FER1L6: variants seen among roughly 807,000 people sequenced by gnomAD.
FER1L6 encodes fer-1 like family member 6.
Under a neutral mutation model 219.2 loss-of-function variants are expected in FER1L6, and 177 were observed. The observed-to-expected ratio is 0.81, with a 90% CI of 0.71 to 0.91. The LOEUF is 0.91. FER1L6 is among the 40% of genes least tolerant of loss of function. The pLI, the probability that FER1L6 is intolerant of heterozygous loss-of-function variation, is 0.00. For synonymous variants in FER1L6, 768 were observed against 824.3 expected, an observed-to-expected ratio of 0.93 and a Z score of 1.17; for missense variants, 2,153 against 2,259.9, an observed-to-expected ratio of 0.95 and a Z score of 0.96.
intron 2 of FER1L6, among the ~76,000 whole-genome samples, chr8:123,962,918 G>A (rs1465289833): frequency 4.6e-5 from 7 of 152,116 alleles, no homozygotes; most frequent in African/African-American, 1.2e-4. Context: ...GTGAGCCACC[G>A]TGCCCAGCCA....
intron 32 of FER1L6, among the ~76,000 whole-genome samples, chr8:124,079,375 G>T (rs529657065): frequency 6.6e-6 from 1 of 152,266 alleles, no homozygotes; most frequent in African/African-American, 2.4e-5. Flanking sequence ...TTGCTCTTAA[G>T]CTTTTTCTAC....
At chr8:124,109,872 T>TGCTA (rs1401392486) in intron 39 of FER1L6, among the ~76,000 whole-genome samples, 1 of 152,184 alleles carries the variant, frequency 6.6e-6, no homozygotes, top group African/African-American at 2.4e-5. Flanking sequence ...TAACAAGCGT[T>TGCTA]GCTAATATGA....
Position 123,964,205 on chromosome 8 carries a change from T to TTACG in FER1L6, c.197+808_197+811dup, listed in dbSNP as rs571575913. On this transcript the variant is annotated intron_variant, in intron 3 of 40. Coordinates refer to ENST00000522917, the MANE Select transcript of FER1L6 (RefSeq NM_001039112.2). ...TGCCTTCTGTTGGAGAGACTAAAAG[T>TTACG]TACGGGGCAACAAGTTTGGATACAG... is the stretch of plus-strand genomic sequence containing the variant. Among the ~76,000 whole-genome samples the TTACG allele has an allele frequency of 4.4e-3, 667 of 152,322 alleles. 7 individuals are homozygous for TTACG. The highest frequency in any genetic ancestry group is 0.017 in the Middle Eastern group (5 of 294).
intron 1 of FER1L6, among the ~76,000 whole-genome samples, chr8:123,902,415 C>A (rs1447222692): frequency 6.6e-6 from 1 of 151,890 alleles, no homozygotes; most frequent in African/African-American, 2.4e-5. Context: ...TATTGAAGTC[C>A]CCCACTATTA....
chr8:124,082,529 C>A lies in FER1L6; in HGVS notation c.4391+71C>A, dbSNP rs550889154. On this transcript the variant is annotated intron_variant, in intron 33 of 40. Coordinates refer to ENST00000522917, the MANE Select transcript of FER1L6 (RefSeq NM_001039112.2). The stretch of plus-strand genomic sequence containing the variant: ...GTAGCCTTTAGGGCTCCAGACTCTG[C>A]ATCCCAGTTGTCCATCTCTAGGAAG... 309 of 1,413,018 alleles carry A rather than the reference C, an allele frequency of 2.2e-4. 6 individuals are homozygous for A. In the South Asian group the frequency reaches 3.8e-3, roughly 17 times the overall value. The allele number at this position is 1,413,018 out of a possible 1,614,324, so 87.5% of individuals were successfully genotyped here. A position where few individuals can be genotyped will look rare whatever the true frequency, so the allele number is the denominator to read the frequency against.
intron 1 of FER1L6, among the ~76,000 whole-genome samples, chr8:123,927,609 T>C (rs988239498): frequency 6.6e-6 from 1 of 152,214 alleles, no homozygotes; most frequent in African/African-American, 2.4e-5. Context: ...AGCAGCACCA[T>C]TTGTTTTAGT....
chr8:123,949,508 A>T (rs1181980394), intron 1 of FER1L6, among the ~76,000 whole-genome samples: 3 of 152,212 alleles, frequency 2.0e-5, no homozygotes, highest in Non-Finnish European at 4.4e-5. Context: ...AGACATTCAA[A>T]ACCAATTGAG....
rs1318786519 is a variant in FER1L6 at position 124,069,413 on chromosome 8, A to G, written c.3772A>G (p.Lys1258Glu). ...VDIEDGPKKK[K>E]DKMLKKKPKD... ...TATAGAAGATGGGCCAAAGAAGAAGAAAGACAAAATGCTCAAGAAGAAACC... is the reference window on the plus strand; with the variant it reads ...TATAGAAGATGGGCCAAAGAAGAAGGAAGACAAAATGCTCAAGAAGAAACC... The change falls in exon 29 of 41, where the codon AAA becomes GAA. Residue 1258 changes from lysine (K) to glutamate (E), a missense_variant. Transcript: ENST00000522917. 6.2e-7 allele frequency: 1 copy of G among 1,612,392 alleles called. No homozygotes were observed. The highest frequency in any genetic ancestry group is 8.5e-7 in the Non-Finnish European group (1 of 1,179,448).
chr8:123,866,837 T>TC (rs1816846871), intron 1 of FER1L6, among the ~76,000 whole-genome samples: 1 of 152,180 alleles, frequency 6.6e-6, no homozygotes, highest in Non-Finnish European at 1.5e-5. Flanking sequence ...CAGGCTGATC[T>TC]CCAACTCCTG....
chr8:124,023,644 T>C (rs1258085272), intron 18 of FER1L6, 48 bp downstream of exon 18: 2 of 1,593,956 alleles, frequency 1.3e-6, no homozygotes, highest in South Asian at 2.3e-5. Flanking sequence ...TCTGTTTCTC[T>C]AGGGTGGCTC....
At chr8:123,892,914 C>G (rs1812674954) in intron 1 of FER1L6, among the ~76,000 whole-genome samples, 1 of 152,080 alleles carries the variant, frequency 6.6e-6, no homozygotes, top group African/African-American at 2.4e-5. Context: ...GAAGCACTGT[C>G]AGTTCTGAGG....
At position 123,973,245 on chromosome 8, in the gene FER1L6, G is replaced by A. The variant is rs114411633; in HGVS notation, c.448-189G>A. The stretch of plus-strand genomic sequence containing the variant: ...TGAGAGTTGACAGGCATCCTTCTAT[G>A]GAAGATTAGCTAAAATCCTGCTAAG... On this transcript the variant is annotated intron_variant, in intron 6 of 40. Transcript: ENST00000522917. Among the ~76,000 whole-genome samples the A allele has an allele frequency of 3.7e-3, 567 of 152,274 alleles. 4 individuals are homozygous for A. Among genetic ancestry groups the A allele is most frequent in the African/African-American group, 0.013 (541 of 41,556 alleles).
intron 27 of FER1L6, 146 bp from the exon 28 acceptor site, chr8:124,067,621 G>C (rs1378492226): frequency 1.4e-6 from 1 of 709,630 alleles, no homozygotes. Flanking sequence ...TTACAGTGCG[G>C]CTTCATTTTG....
intron 1 of FER1L6, among the ~76,000 whole-genome samples, chr8:123,888,717 T>C (rs6470200): frequency 0.77 from 117,819 of 152,080 alleles, 45,826 homozygotes; most frequent in South Asian, 0.86. Context: ...AAAGTTCAGC[T>C]GTGTGAACAT....
intron 2 of FER1L6, among the ~76,000 whole-genome samples, chr8:123,956,978 T>C (rs1815048911): frequency 6.6e-6 from 1 of 152,222 alleles, no homozygotes; most frequent in Admixed American, 6.5e-5. Flanking sequence ...GATCAGTGGT[T>C]TCCAAGTGGA....
chr8:123,871,375 G>A (rs566045681), intron 1 of FER1L6, among the ~76,000 whole-genome samples: 15 of 152,194 alleles, frequency 9.9e-5, no homozygotes, highest in African/African-American at 3.4e-4. Flanking sequence ...GGAAAAAACG[G>A]TTGATTCTAG....
chr8:123,968,038 C>T (rs1057345054), intron 5 of FER1L6, among the ~76,000 whole-genome samples: 1 of 151,956 alleles, frequency 6.6e-6, no homozygotes, highest in African/African-American at 2.4e-5. Flanking sequence ...ATGAAATCAA[C>T]AGAAAATACC....
rs554858602 is a variant in FER1L6, at chr8:123,923,911, G to T, written c.-7-32081G>T. Among the ~76,000 whole-genome samples, 208 of 136,180 alleles carry T rather than the reference G, an allele frequency of 1.5e-3. 2 individuals carry two copies. The highest frequency in any genetic ancestry group is 5.3e-3 in the African/African-American group (190 of 35,874). The allele number at this position is 136,180 out of a possible 152,430, so 89.3% of individuals were successfully genotyped here. ...GCCGAGATCACGCCCCCGCGCTCCA[G>T]CCTGGACTACAGATCGAGACTCCAA... On this transcript the variant is annotated intron_variant, in intron 1 of 40. Transcript: ENST00000522917.
At chr8:123,931,897 G>A (rs1813782978) in intron 1 of FER1L6, among the ~76,000 whole-genome samples, 2 of 152,166 alleles carry the variant, frequency 1.3e-5, no homozygotes. Flanking sequence ...AAATATTGAA[G>A]TACAAAAACA....
Sources: allele counts gnomAD v4.1 joint callset (sites outside exome capture counted in the v4.1 genomes callset), GRCh38; gene constraint gnomAD v4.1.1; transcripts MANE v1.5; gene names NCBI Gene and HGNC (gene_info 2026-07-23, HGNC 2026-07-21).